RGS7: variants seen among roughly 807,000 people sequenced by gnomAD.
RGS7 encodes regulator of G-protein signaling 7.
RGS7 carries 27 observed loss-of-function variants against 81.1 expected under a neutral mutation model. The ratio of observed to expected loss-of-function variants is 0.33; its 90% CI spans 0.25 to 0.46. RGS7 has a LOEUF of 0.46. RGS7 is among the 20% of genes least tolerant of loss of function. The pLI, the probability that RGS7 is intolerant of heterozygous loss-of-function variation, is 1.00. For missense variants in RGS7, 396 were observed against 607.4 expected, an observed-to-expected ratio of 0.65 and a Z score of 3.66; for synonymous variants, 208 against 207.7, an observed-to-expected ratio of 1.00 and a Z score of -0.01.
Position 241,105,698 on chromosome 1 carries a change from A to G in RGS7, c.79-6936T>C, listed in dbSNP as rs370618873. 5.9e-5 allele frequency among the ~76,000 whole-genome samples: 9 copies of G among 152,364 alleles called. No homozygotes were observed. The East Asian group carries it at 1.2e-3, about 20-fold the overall frequency. On this transcript the variant is annotated intron_variant, in intron 2 of 18. Transcript: ENST00000440928. The stretch of plus-strand genomic sequence containing the variant: ...CCACAATATCATTATTATTGATTTC[A>G]TTAAGCCAATCGCTTTACAGAGACA...
intron 2 of RGS7, among the ~76,000 whole-genome samples, chr1:241,162,681 C>T (rs913243452): frequency 6.6e-6 from 1 of 152,204 alleles, no homozygotes; most frequent in Non-Finnish European, 1.5e-5. Context: ...TGGCCAAATT[C>T]TTTCCTTTGA....
At chr1:240,927,785 T>C (rs1333151686) in intron 6 of RGS7, among the ~76,000 whole-genome samples, 2 of 152,152 alleles carry the variant, frequency 1.3e-5, no homozygotes, top group African/African-American at 4.8e-5. Flanking sequence ...ATATGTTTCT[T>C]CAGAGGAAAA....
At chr1:240,776,572 T>G (rs895510958) in intron 18 of RGS7, among the ~76,000 whole-genome samples, 1 of 152,194 alleles carries the variant, frequency 6.6e-6, no homozygotes, top group Non-Finnish European at 1.5e-5. Flanking sequence ...CAACTGATTA[T>G]AAACATGTTA....
chr1:241,148,887 T>G (rs1291067382), intron 2 of RGS7, among the ~76,000 whole-genome samples: 1 of 152,276 alleles, frequency 6.6e-6, no homozygotes, highest in Non-Finnish European at 1.5e-5. Flanking sequence ...TTAAAAGCAC[T>G]GTAGAGTTTA....
At chr1:241,004,855 A>T (rs1572221037) in intron 3 of RGS7, among the ~76,000 whole-genome samples, 1 of 152,094 alleles carries the variant, frequency 6.6e-6, no homozygotes, top group South Asian at 2.1e-4. Context: ...GGCTTTGAGG[A>T]GAAGGGGTTC....
At chr1:240,872,658 G>A (rs1208511547) in intron 6 of RGS7, among the ~76,000 whole-genome samples, 1 of 152,176 alleles carries the variant, frequency 6.6e-6, no homozygotes, top group African/African-American at 2.4e-5. Flanking sequence ...TTTATTAGCA[G>A]AGAGTATCAG....
chr1:241,042,624 C>T (rs2060683368), intron 3 of RGS7, among the ~76,000 whole-genome samples: 1 of 151,990 alleles, frequency 6.6e-6, no homozygotes, highest in South Asian at 2.1e-4. Context: ...TTGGAGCATG[C>T]TTCAAGATTA....
chr1:241,186,763 G>T (rs1478395280), intron 2 of RGS7, among the ~76,000 whole-genome samples: 1 of 151,866 alleles, frequency 6.6e-6, no homozygotes, highest in Non-Finnish European at 1.5e-5. Flanking sequence ...CCAAACTCAG[G>T]TGATCCACCT....
intron 3 of RGS7, among the ~76,000 whole-genome samples, chr1:241,089,648 C>T (rs1168278935): frequency 6.6e-6 from 1 of 152,120 alleles, no homozygotes; most frequent in Non-Finnish European, 1.5e-5. Context: ...CACCCTAATA[C>T]TAATACCTTC....
intron 6 of RGS7, among the ~76,000 whole-genome samples, chr1:240,898,333 T>C (rs1277105695): frequency 6.6e-6 from 1 of 152,218 alleles, no homozygotes; most frequent in East Asian, 1.9e-4. Context: ...AGCTTTTGAA[T>C]GTGTTTGCTC....
At chr1:241,299,285 G>A (rs905965182) in intron 2 of RGS7, among the ~76,000 whole-genome samples, 1 of 151,934 alleles carries the variant, frequency 6.6e-6, no homozygotes, top group African/African-American at 2.4e-5. Context: ...GAAGATCCGT[G>A]TTTCCATTAT....
intron 6 of RGS7, among the ~76,000 whole-genome samples, chr1:240,896,859 A>G (rs113067373): frequency 0.13 from 19,446 of 152,230 alleles, 1,358 homozygotes; most frequent in Middle Eastern, 0.18. Flanking sequence ...CATTGCATCT[A>G]TAAATTACCT....
At chr1:241,126,304 C>G (rs973651496) in intron 2 of RGS7, among the ~76,000 whole-genome samples, 1 of 152,032 alleles carries the variant, frequency 6.6e-6, no homozygotes, top group Non-Finnish European at 1.5e-5. Context: ...CATGCGCAAC[C>G]ACACCCGGCT....
intron 2 of RGS7, among the ~76,000 whole-genome samples, chr1:241,339,929 G>A (rs887253400): frequency 4.6e-5 from 7 of 152,060 alleles, no homozygotes; most frequent in African/African-American, 1.7e-4. Context: ...AGGACAGAAA[G>A]GTTTATCACA....
At position 240,870,046 on chromosome 1, in the gene RGS7, G is replaced by C; in HGVS notation, c.450+9C>G. 6.2e-7 allele frequency: 1 copy of C among 1,612,814 alleles called. No homozygotes were observed. The highest frequency in any genetic ancestry group is 1.1e-5 in the South Asian group (1 of 91,036). ...TGACTATCTTTGCCAGAAGGTCCTTGGTACTTACAGCCTCATAGTCTGCGA... is the reference window on the plus strand; with the variant it reads ...TGACTATCTTTGCCAGAAGGTCCTTCGTACTTACAGCCTCATAGTCTGCGA... On this transcript the variant is annotated intron_variant, in intron 7 of 18. Coordinates refer to ENST00000440928, the MANE Select transcript of RGS7 (RefSeq NM_001364886.1).
rs2069898864 is a variant in RGS7 at position 241,163,408 on chromosome 1, CAA to C, written c.79-64648_79-64647del. On this transcript the variant is annotated intron_variant, in intron 2 of 18. Transcript: ENST00000440928. The surrounding 1 kb of genome is among the most constrained non-coding windows in gnomAD (Gnocchi z 4.6). ...GGGCCAGCAGATAGAAGTAGCCATG[CAA>C]AGCTGTCTTTTGTCGGGGAGATACA... is the stretch of plus-strand genomic sequence containing the variant. Among the ~76,000 whole-genome samples the C allele has an allele frequency of 6.6e-6, 1 of 152,196 alleles. No homozygotes were observed. The highest frequency in any genetic ancestry group is 1.5e-5 in the Non-Finnish European group (1 of 68,034).
chr1:240,871,198 A>G (rs74149526), intron 6 of RGS7, among the ~76,000 whole-genome samples: 6,185 of 152,236 alleles, frequency 0.041, 418 homozygotes, highest in African/African-American at 0.14. Context: ...AGTCTCATGA[A>G]ACTCAAGATA....
chr1:240,989,371 G>C (rs1443284693), intron 3 of RGS7, among the ~76,000 whole-genome samples: 1 of 151,874 alleles, frequency 6.6e-6, no homozygotes, highest in Non-Finnish European at 1.5e-5. Context: ...GGGAGCTCGA[G>C]GTTGCAGTAA....
At chr1:241,329,428 G>C (rs1421620355) in intron 2 of RGS7, among the ~76,000 whole-genome samples, 1 of 152,132 alleles carries the variant, frequency 6.6e-6, no homozygotes, top group South Asian at 2.1e-4. Flanking sequence ...AAATGCTTTA[G>C]AGCCCAGTTA....
Sources: gnomAD v4.1 joint callset for allele counts (sites outside exome capture counted in the v4.1 genomes callset) on GRCh38, gnomAD v4.1.1 for gene constraint, Gnocchi (gnomAD v3.1) non-coding constraint, MANE v1.5 for transcripts, NCBI Gene and HGNC (gene_info 2026-07-23, HGNC 2026-07-21) for gene names.